CFL1: variants seen among roughly 807,000 people sequenced by gnomAD.
CFL1 encodes cofilin 1.
Under a neutral mutation model 16.3 loss-of-function variants are expected in CFL1, and 2 were observed. The ratio of observed to expected loss-of-function variants is 0.12; its 90% CI spans 0.05 to 0.39. CFL1 has a LOEUF of 0.39. CFL1 is among the 10% of genes least tolerant of loss of function. CFL1 has a pLI of 0.99. For missense variants in CFL1, 75 were observed against 212.2 expected (o/e 0.35, Z 4.02); for synonymous variants, 111 against 84.4 (o/e 1.31, Z -1.73).
intron 1 of CFL1, 125 bp from the exon 2 acceptor site, chr11:65,856,367 T>A: frequency 1.1e-6 from 1 of 890,556 alleles, no homozygotes; most frequent in Non-Finnish European, 1.7e-6. Context: ...GTCACTAGTT[T>A]TCCCACCCAA....
rs923171882 is a variant in CFL1, at chr11:65,855,182, G to C, written c.*154C>G. 1.6e-6 allele frequency: 1 copy of C among 618,264 alleles called. No homozygotes were observed. Among genetic ancestry groups the C allele is most frequent in the Non-Finnish European group, 2.9e-6 (1 of 345,144 alleles). The allele number at this position is 618,264 out of a possible 1,614,324, so 38.3% of individuals were successfully genotyped here. A position where few individuals can be genotyped will look rare whatever the true frequency, so the allele number is the denominator to read the frequency against. ...TGGAGGGAGAAGGAAAATCCAGGGG[G>C]TGGGGGGTCTGTTTGGCAACTGGGG... On this transcript the variant is annotated 3_prime_UTR_variant, in exon 4 of 4. Transcript: ENST00000308162.
At chr11:65,856,329 G>C (rs891743221) in intron 1 of CFL1, 87 bp from the exon 2 acceptor site, 1 of 1,316,686 alleles carries the variant, frequency 7.6e-7, no homozygotes, top group African/African-American at 1.5e-5. Flanking sequence ...CACGTCCCGA[G>C]TGGTCACTAG....
intron 1 of CFL1, 159 bp from the exon 2 acceptor site, chr11:65,856,401 G>A (rs1018697254): frequency 1.5e-6 from 1 of 649,422 alleles, no homozygotes; most frequent in Non-Finnish European, 2.7e-6. Context: ...AACCAGATGG[G>A]ACACAACCTC....
rs1859378583 is a variant in CFL1, at chr11:65,855,983, G to A, written c.263C>T (p.Thr88Ile). ...KDCRYALYDA[T>I]YETKESKKED... The stretch of plus-strand genomic sequence containing the variant: ...CTTCTTGCTCTCCTTGGTCTCATAG[G>A]TTGCATCATAGAGGGCATAGCGGCA... The change falls in exon 2 of 4, where the codon ACC (threonine) becomes ATC (isoleucine). Residue 88 changes from threonine to isoleucine, a missense_variant. Physicochemically the swap from Thr to Ile is moderately conservative, Grantham distance 89. Transcript: ENST00000308162. 2.5e-6 allele frequency: 4 copies of A among 1,614,112 alleles called. No individual in the cohort carries two copies. The highest frequency in any genetic ancestry group is 3.4e-6 in the Non-Finnish European group (4 of 1,180,000).
At chr11:65,858,012 T>G in intron 1 of CFL1, 85 bp downstream of exon 1, 1 of 1,390,036 alleles carries the variant, frequency 7.2e-7, no homozygotes, top group Non-Finnish European at 9.7e-7. Context: ...GGGGAGGGGG[T>G]GCGGACGTCG....
In CFL1 at chr11:65,854,808, G is replaced by A. The variant is rs1195130465; in HGVS notation, c.*528C>T. 6.5e-6 allele frequency: 1 copy of A among 153,858 alleles called. No homozygotes were observed. The highest frequency in any genetic ancestry group is 1.4e-5 in the Non-Finnish European group (1 of 69,204). The allele number at this position is 153,858 out of a possible 1,614,324, so 9.5% of individuals were successfully genotyped here. ...CTTGAAAAACACATCCCATTAATGAGCCTTTTTATTATTGTCTTTTTTTTT... is the reference window on the plus strand; with the variant it reads ...CTTGAAAAACACATCCCATTAATGAACCTTTTTATTATTGTCTTTTTTTTT... On this transcript the variant is annotated 3_prime_UTR_variant, in exon 4 of 4. Coordinates refer to ENST00000308162, the MANE Select transcript of CFL1 (RefSeq NM_005507.3).
chr11:65,856,285 G>C (rs781181147), intron 1 of CFL1, 43 bp from the exon 2 acceptor site: 2 of 1,574,792 alleles, frequency 1.3e-6, no homozygotes, highest in South Asian at 1.1e-5. Flanking sequence ...GGATTCTAGG[G>C]AACTGCCCCT....
At chr11:65,856,473 T>C (rs1859387190) in intron 1 of CFL1, 5 of 520,124 alleles carry the variant, frequency 9.6e-6, no homozygotes, top group East Asian at 3.3e-5. Flanking sequence ...TTTTACAGGA[T>C]AGAAATGCAA....
At chr11:65,857,858 G>A (rs1004906503) in intron 1 of CFL1, 1 of 308,598 alleles carries the variant, frequency 3.2e-6, no homozygotes, top group Non-Finnish European at 5.9e-6. Flanking sequence ...TGTCCGCGCG[G>A]GCGCACCAGC....
At position 65,854,874 on chromosome 11, in the gene CFL1, G is replaced by A. The variant is rs889912320; in HGVS notation, c.*462C>T. On this transcript the variant is annotated 3_prime_UTR_variant, in exon 4 of 4. Coordinates refer to ENST00000308162, the MANE Select transcript of CFL1 (RefSeq NM_005507.3). Reference sequence around the variant, plus strand: ...CTTACTGGTCCTGCTTCCATGAGTAGCCGTGACCAGGGGAAAAGGGAGAGG... The same window carrying A: ...CTTACTGGTCCTGCTTCCATGAGTAACCGTGACCAGGGGAAAAGGGAGAGG... The A allele has an allele frequency of 3.4e-4, 53 of 155,530 alleles. No homozygotes were observed. The highest frequency in any genetic ancestry group is 1.6e-4 in the Non-Finnish European group (11 of 69,990). 9.6% of individuals were successfully genotyped at this position (155,530 alleles called of 1,614,324 possible). A position where few individuals can be genotyped will look rare whatever the true frequency, so the allele number is the denominator to read the frequency against.
In CFL1 at chr11:65,854,969, CAG is replaced by C. The variant is rs1859353000; in HGVS notation, c.*365_*366del. 3.5e-6 allele frequency: 1 copy of C among 282,226 alleles called. No homozygotes were observed. Among genetic ancestry groups the C allele is most frequent in the South Asian group, 3.6e-5 (1 of 27,734 alleles). 17.5% of individuals were successfully genotyped at this position (282,226 alleles called of 1,614,324 possible). On this transcript the variant is annotated 3_prime_UTR_variant, in exon 4 of 4. Transcript: ENST00000308162. ...ATACACAGAACTAAACAGACAAGCA[CAG>C]AGTCACTATTGCGGTTAGAAGTTGG...
At chr11:65,855,898 G>T in intron 2 of CFL1, 37 bp downstream of exon 2, 1 of 1,590,026 alleles carries the variant, frequency 6.3e-7, no homozygotes, top group South Asian at 1.1e-5. Context: ...ATGAGAAAGG[G>T]GGCAGGTGAC....
chr11:65,855,207 G>A lies in CFL1; in HGVS notation c.*129C>T, dbSNP rs1302372608. ...GTGGGGGGTCTGTTTGGCAACTGGG[G>A]TGAAGGGATTGCCCTCCCCCTGCTG... is the stretch of plus-strand genomic sequence containing the variant. On this transcript the variant is annotated 3_prime_UTR_variant, in exon 4 of 4. Coordinates refer to ENST00000308162, the MANE Select transcript of CFL1 (RefSeq NM_005507.3). 24 of 704,908 alleles carry A rather than the reference G, an allele frequency of 3.4e-5. No individual in the cohort carries two copies. The highest frequency in any genetic ancestry group is 1.5e-5 in the Non-Finnish European group (6 of 407,138). 43.7% of individuals were successfully genotyped at this position (704,908 alleles called of 1,614,324 possible).
chr11:65,855,154 G>C lies in CFL1; in HGVS notation c.*182C>G. The stretch of plus-strand genomic sequence containing the variant: ...GTTTGGGAAGGCCAGAACCGTCAAG[G>C]GATGGAGGGAGAAGGAAAATCCAGG... On this transcript the variant is annotated 3_prime_UTR_variant, in exon 4 of 4. Transcript: ENST00000308162. 1 of 584,588 alleles carries C rather than the reference G, an allele frequency of 1.7e-6. No individual in the cohort carries two copies. The highest frequency in any genetic ancestry group is 2.0e-5 in the South Asian group (1 of 50,404). The allele number at this position is 584,588 out of a possible 1,614,324, so 36.2% of individuals were successfully genotyped here.
chr11:65,855,602 C>T (rs1859371769), intron 3 of CFL1, 52 bp downstream of exon 3: 1 of 1,563,300 alleles, frequency 6.4e-7, no homozygotes, highest in Non-Finnish European at 8.7e-7. Flanking sequence ...TCACCCTGCC[C>T]TGCAGCCAAG....
intron 3 of CFL1, 99 bp downstream of exon 3, chr11:65,855,554 CA>C: frequency 6.5e-7 from 1 of 1,549,292 alleles, no homozygotes; most frequent in Non-Finnish European, 8.9e-7. Flanking sequence ...AACAAGCAGG[CA>C]GCGAAGACAA....
At chr11:65,858,033 G>T (rs1859420879) in intron 1 of CFL1, 64 bp downstream of exon 1, 1 of 1,503,498 alleles carries the variant, frequency 6.7e-7, no homozygotes, top group Non-Finnish European at 8.9e-7. Flanking sequence ...CTCCCCAGTC[G>T]CTTCCCGCGC....
Position 65,858,147 on chromosome 11 carries a change from G to C in CFL1, c.-48C>G, listed in dbSNP as rs908102720. ...GGGCACCGAGAGCCGCAGAAGACGA[G>C]AGCGCTGCAGCCGCTGCCGGGACCC... On this transcript the variant is annotated 5_prime_UTR_variant, in exon 1 of 4. Coordinates refer to ENST00000308162, the MANE Select transcript of CFL1 (RefSeq NM_005507.3). 9.2e-6 allele frequency: 14 copies of C among 1,516,738 alleles called. No individual in the cohort carries two copies. The highest frequency in any genetic ancestry group is 2.3e-4 in the Middle Eastern group (1 of 4,276). 94.0% of individuals were successfully genotyped at this position (1,516,738 alleles called of 1,614,324 possible). A position where few individuals can be genotyped will look rare whatever the true frequency, so the allele number is the denominator to read the frequency against.
chr11:65,857,904 A>C, intron 1 of CFL1, 193 bp downstream of exon 1: 1 of 397,342 alleles, frequency 2.5e-6, no homozygotes. Context: ...AGCGCGAGCG[A>C]CGTCCAGACC....
Sources: allele counts gnomAD v4.1 joint callset, GRCh38; gene constraint gnomAD v4.1.1; transcripts MANE v1.5; gene names NCBI Gene and HGNC (gene_info 2026-07-23, HGNC 2026-07-21).